The following ABTB2 variants were observed in gnomAD, a reference collection of about 807,000 sequenced individuals.
ABTB2 encodes ankyrin repeat and BTB/POZ domain-containing protein 2.
A neutral mutation model predicts 104.1 loss-of-function variants in ABTB2; 56 were observed. That is an observed-to-expected ratio of 0.54 (90% CI 0.43 to 0.67). The LOEUF (loss-of-function observed/expected upper bound fraction) is 0.67, where lower values mean the gene tolerates loss of function less well. Ranked by LOEUF, ABTB2 falls within the 30% of genes least tolerant of loss-of-function variation. The pLI is 0.00. For missense variants in ABTB2, 1,279 were observed against 1,407.7 expected, an observed-to-expected ratio of 0.91 and a Z score of 1.46; for synonymous variants, 606 against 608.2, an observed-to-expected ratio of 1.00 and a Z score of 0.05.
intron 1 of ABTB2, among the ~76,000 whole-genome samples, chr11:34,263,331 T>TG (rs1382789187): frequency 6.6e-6 from 1 of 152,052 alleles, no homozygotes; most frequent in Non-Finnish European, 1.5e-5. Flanking sequence ...AAAGGCTCTG[T>TG]GGGGGAAATA....
At chr11:34,329,382 C>G (rs1050778682) in intron 1 of ABTB2, among the ~76,000 whole-genome samples, 5 of 152,210 alleles carry the variant, frequency 3.3e-5, no homozygotes, top group African/African-American at 7.2e-5. Flanking sequence ...ACTCCACCCC[C>G]CTGCCCAGAT....
intron 3 of ABTB2, 100 bp downstream of exon 3, chr11:34,197,225 C>G (rs1178120006): frequency 7.6e-6 from 10 of 1,323,778 alleles, no homozygotes; most frequent in Non-Finnish European, 1.1e-5. Flanking sequence ...AGGGCCCCTT[C>G]CTCGCCCTGT....
At chr11:34,246,833 TTTTTTTC>T (rs1033054552) in intron 1 of ABTB2, among the ~76,000 whole-genome samples, 7 of 139,466 alleles carry the variant, frequency 5.0e-5, no homozygotes, top group South Asian at 2.3e-4. Context: ...ATTTCTTTTC[TTTTTTTC>T]TTTTTTCTTT....
chr11:34,256,056 A>G (rs1000881682), intron 1 of ABTB2, among the ~76,000 whole-genome samples: 3 of 151,816 alleles, frequency 2.0e-5, no homozygotes, highest in Non-Finnish European at 4.4e-5. Context: ...TCCTCACAAA[A>G]CACCCTGGCA....
chr11:34,269,129 C>T (rs962603969), intron 1 of ABTB2, among the ~76,000 whole-genome samples: 8 of 152,114 alleles, frequency 5.3e-5, no homozygotes, highest in South Asian at 2.1e-4. Flanking sequence ...GTAGTGAACA[C>T]GATGGAGAAA....
chr11:34,172,374 A>T (rs1257088637), intron 4 of ABTB2, among the ~76,000 whole-genome samples: 8 of 11,202 alleles, frequency 7.1e-4, no homozygotes, highest in African/African-American at 1.5e-3. Flanking sequence ...TCTGTCTCAA[A>T]AAAAAAAAAA....
At chr11:34,307,437 A>C (rs1323027243) in intron 1 of ABTB2, among the ~76,000 whole-genome samples, 2 of 152,150 alleles carry the variant, frequency 1.3e-5, no homozygotes, top group Non-Finnish European at 2.9e-5. Flanking sequence ...TGCTTGGAGA[A>C]CAGCTCACAC....
chr11:34,227,337 A>T (rs1853701664), intron 1 of ABTB2, among the ~76,000 whole-genome samples: 1 of 151,746 alleles, frequency 6.6e-6, no homozygotes, highest in African/African-American at 2.4e-5. Flanking sequence ...GTCTCTCCCC[A>T]TTATCCATTT....
intron 4 of ABTB2, among the ~76,000 whole-genome samples, chr11:34,172,395 A>AATAT (rs71037402): frequency 0.01 from 291 of 29,018 alleles, 5 homozygotes; most frequent in African/African-American, 0.025. Context: ...AAAAAAAAAA[A>AATAT]ATATATATAT....
rs1019007805 is a variant in ABTB2, at chr11:34,164,116, C to CGCTTTTCCAGCCCT, written c.1988+569_1988+570insAGGGCTGGAAAAGC. ...CCTGCCAGCCCTGCTTATCCAGCCC[C>CGCTTTTCCAGCCCT]GCTTTTCCAGCCCCGTTTCTGCCCT... On this transcript the variant is annotated intron_variant, in intron 9 of 16. Transcript: ENST00000435224. Among the ~76,000 whole-genome samples, 8 of 152,224 alleles carry CGCTTTTCCAGCCCT rather than the reference C, an allele frequency of 5.3e-5. No homozygotes were observed. In the East Asian group the frequency reaches 5.8e-4, roughly 11 times the overall value.
rs1203525700 is a variant in ABTB2, at chr11:34,154,342, G to A, written c.2803C>T (p.Leu935=). The A allele has an allele frequency of 5.0e-6, 8 of 1,613,878 alleles. No individual in the cohort carries two copies. The highest frequency in any genetic ancestry group is 6.8e-6 in the Non-Finnish European group (8 of 1,179,960). ...SAASLFQLDA[L]QRHCEILCSQ... ...CACAGGATCTCGCAGTGCCTCTGCA[G>A]GGCATCCAGCTGGAACAGGCTGGCA... Residue 935 remains leucine, a synonymous_variant, in exon 16 of 17, where the codon CTG becomes TTG. Transcript: ENST00000435224. The surrounding 1 kb of genome is among the most constrained non-coding windows in gnomAD (Gnocchi z 4.9).
chr11:34,265,467 T>C (rs996810117), intron 1 of ABTB2, among the ~76,000 whole-genome samples: 2 of 151,084 alleles, frequency 1.3e-5, no homozygotes, highest in Non-Finnish European at 3.0e-5. Flanking sequence ...TTCAGACCAG[T>C]CTGATCAACA....
At chr11:34,324,825 C>T (rs935181936) in intron 1 of ABTB2, among the ~76,000 whole-genome samples, 1 of 152,216 alleles carries the variant, frequency 6.6e-6, no homozygotes, top group East Asian at 1.9e-4. Context: ...CGCACAAAGA[C>T]ACCAAAGCAG....
At chr11:34,170,840 T>C (rs1468148677) in intron 5 of ABTB2, 66 bp downstream of exon 5, 9 of 1,571,246 alleles carry the variant, frequency 5.7e-6, no homozygotes, top group Non-Finnish European at 7.8e-6. Flanking sequence ...GGGCCGCCAA[T>C]GCTGGGAGCT....
intron 3 of ABTB2, among the ~76,000 whole-genome samples, chr11:34,177,311 G>T (rs1206002782): frequency 6.6e-6 from 1 of 152,180 alleles, no homozygotes; most frequent in African/African-American, 2.4e-5. Context: ...TGATAGTCCT[G>T]GTGGGTATAC....
In ABTB2 at chr11:34,325,339, T is replaced by C. The variant is rs141696465; in HGVS notation, c.883+31362A>G. The stretch of plus-strand genomic sequence containing the variant: ...AGAACCAGTGCTATACCTTCCAGTA[T>C]GTGTTCTTTCCCCATGGAGGTTCTG... On this transcript the variant is annotated intron_variant, in intron 1 of 16. Coordinates refer to ENST00000435224, the MANE Select transcript of ABTB2 (RefSeq NM_145804.3). 3.2e-3 allele frequency among the ~76,000 whole-genome samples: 492 copies of C among 152,276 alleles called. 8 individuals are homozygous for C. The South Asian group carries it at 0.04, about 12-fold the overall frequency.
At chr11:34,334,014 G>C (rs1463793500) in intron 1 of ABTB2, among the ~76,000 whole-genome samples, 1 of 111,150 alleles carries the variant, frequency 9.0e-6, no homozygotes. Context: ...GGAGCCACAG[G>C]TGAAAAAAAA....
rs532240798 is a variant in ABTB2 at position 34,265,590 on chromosome 11, G to A, written c.884-60900C>T. ...CGAGAATCGCTTGAACCCGGGAGGTGGAGGTTGCGGTGAGCCGAGATCATG... is the reference window on the plus strand; with the variant it reads ...CGAGAATCGCTTGAACCCGGGAGGTAGAGGTTGCGGTGAGCCGAGATCATG... On this transcript the variant is annotated intron_variant, in intron 1 of 16. Coordinates refer to ENST00000435224, the MANE Select transcript of ABTB2 (RefSeq NM_145804.3). Among the ~76,000 whole-genome samples, 636 of 150,168 alleles carry A rather than the reference G, an allele frequency of 4.2e-3. 2 individuals carry two copies. The highest frequency in any genetic ancestry group is 6.2e-3 in the Non-Finnish European group (419 of 67,568).
At chr11:34,160,224 A>G in intron 12 of ABTB2, 24 bp downstream of exon 12, 1 of 1,574,462 alleles carries the variant, frequency 6.4e-7, no homozygotes, top group Non-Finnish European at 8.7e-7. Context: ...GTGGTGATGC[A>G]GGGCGCAGGG....
Sources: gnomAD v4.1 joint callset for allele counts (sites outside exome capture counted in the v4.1 genomes callset) on GRCh38, gnomAD v4.1.1 for gene constraint, Gnocchi (gnomAD v3.1) non-coding constraint, MANE v1.5 for transcripts, NCBI Gene and HGNC (gene_info 2026-07-23, HGNC 2026-07-21) for gene names.